Variants in GALNT13 observed in about 807,000 individuals in gnomAD.
The protein encoded by GALNT13 is UDP-GalNAc:polypeptide N-acetylgalactosaminyltransferase 13.
Under a neutral mutation model 64.2 loss-of-function variants are expected in GALNT13, and 28 were observed. The observed-to-expected ratio is 0.44, with a 90% CI of 0.32 to 0.60. GALNT13 has a LOEUF of 0.60. Ranked by LOEUF, GALNT13 falls within the 20% of genes least tolerant of loss-of-function variation. The probability of loss-of-function intolerance (pLI) is 0.05; values close to 1 mark genes in which losing one functional copy is unlikely to be tolerated. For synonymous variants in GALNT13, 214 were observed against 224.6 expected, an observed-to-expected ratio of 0.95 and a Z score of 0.42; for missense variants, 577 against 669.8, an observed-to-expected ratio of 0.86 and a Z score of 1.53.
intron 8 of GALNT13, among the ~76,000 whole-genome samples, chr2:154,267,345 C>T (rs1691068909): frequency 6.6e-6 from 1 of 152,034 alleles, no homozygotes; most frequent in Admixed American, 6.6e-5. Flanking sequence ...AATTTAAAAA[C>T]TTGTGCTTTT....
the GALNT13 span, among the ~76,000 whole-genome samples, chr2:153,161,404 A>G: frequency 1.3e-5 from 2 of 152,208 alleles, no homozygotes; most frequent in Non-Finnish European, 2.9e-5. Flanking sequence ...ATGATTTTGT[A>G]TTGTGTGTGG....
chr2:153,803,678 C>G, the GALNT13 span, among the ~76,000 whole-genome samples: 5 of 115,776 alleles, frequency 4.3e-5, no homozygotes, highest in Middle Eastern at 6.5e-3. Context: ...GGCGACAGAT[C>G]GAGACTCTGT....
the GALNT13 span, among the ~76,000 whole-genome samples, chr2:153,778,803 A>G: frequency 6.6e-6 from 1 of 152,246 alleles, no homozygotes; most frequent in East Asian, 1.9e-4. Flanking sequence ...ATTGTGTATT[A>G]GTAAAGCCTG....
At chr2:154,145,849 A>C (rs909668915) in intron 4 of GALNT13, among the ~76,000 whole-genome samples, 2 of 152,010 alleles carry the variant, frequency 1.3e-5, no homozygotes, top group Admixed American at 1.3e-4. Context: ...TGCCTTTCCC[A>C]TGAATTAAAA....
chr2:153,727,281 A>G, the GALNT13 span, among the ~76,000 whole-genome samples: 51 of 152,318 alleles, frequency 3.3e-4, no homozygotes, highest in African/African-American at 1.2e-3. Context: ...TTTGCTTAAC[A>G]AAAGGTTTGT....
chr2:153,806,623 A>G, the GALNT13 span, among the ~76,000 whole-genome samples: 1 of 151,104 alleles, frequency 6.6e-6, no homozygotes, highest in Non-Finnish European at 1.5e-5. Context: ...CATTATCATG[A>G]TGTCAAAGGG....
At chr2:153,542,899 T>G in the GALNT13 span, among the ~76,000 whole-genome samples, 1 of 152,208 alleles carries the variant, frequency 6.6e-6, no homozygotes, top group Non-Finnish European at 1.5e-5. Context: ...TCAATAAAAG[T>G]ACACATCTAA....
At chr2:153,411,561 C>G in the GALNT13 span, among the ~76,000 whole-genome samples, 1 of 152,080 alleles carries the variant, frequency 6.6e-6, no homozygotes, top group Admixed American at 6.6e-5. Flanking sequence ...AGAACTGAAA[C>G]ACTTCAGGTG....
chr2:153,211,579 G>A, the GALNT13 span, among the ~76,000 whole-genome samples: 1 of 152,146 alleles, frequency 6.6e-6, no homozygotes, highest in East Asian at 1.9e-4. Flanking sequence ...GAAGCTAACA[G>A]CATCAAAGTT....
At chr2:153,812,739 C>T in the GALNT13 span, among the ~76,000 whole-genome samples, 1 of 151,980 alleles carries the variant, frequency 6.6e-6, no homozygotes, top group Non-Finnish European at 1.5e-5. Context: ...GAAAGGATAC[C>T]CAGAGCTTTT....
At chr2:153,448,988 CT>C in the GALNT13 span, among the ~76,000 whole-genome samples, 12 of 152,088 alleles carry the variant, frequency 7.9e-5, no homozygotes, top group Non-Finnish European at 1.6e-4. Flanking sequence ...CACTTTCTGT[CT>C]TTCTGTCTCT....
the GALNT13 span, among the ~76,000 whole-genome samples, chr2:153,552,575 C>CTTGTTTTTTTTTT: frequency 1.4e-5 from 1 of 69,318 alleles, no homozygotes; most frequent in African/African-American, 5.2e-5. Flanking sequence ...GCTTCTTCTT[C>CTTGTTTTTTTTTT]TTTTTTTTTT....
chr2:153,380,833 A>G, the GALNT13 span, among the ~76,000 whole-genome samples: 1 of 152,182 alleles, frequency 6.6e-6, no homozygotes, highest in African/African-American at 2.4e-5. Context: ...AAGTTTTAAA[A>G]TTTATGTCAG....
chr2:153,157,801 A>G, the GALNT13 span, among the ~76,000 whole-genome samples: 1 of 152,182 alleles, frequency 6.6e-6, no homozygotes, highest in South Asian at 2.1e-4. Context: ...ATACTAGAAG[A>G]TAGAGAAAAT....
chr2:154,322,064 T>C (rs1012801930), intron 9 of GALNT13, among the ~76,000 whole-genome samples: 3 of 150,234 alleles, frequency 2.0e-5, no homozygotes, highest in African/African-American at 7.3e-5. Context: ...CACAGGAGTC[T>C]AAGACCAAAG....
chr2:153,503,524 T>G, the GALNT13 span, among the ~76,000 whole-genome samples: 1 of 152,166 alleles, frequency 6.6e-6, no homozygotes, highest in South Asian at 2.1e-4. Flanking sequence ...CACTGCAACC[T>G]CTGCCTCCTG....
the GALNT13 span, among the ~76,000 whole-genome samples, chr2:153,081,609 G>A: frequency 1.3e-5 from 2 of 152,098 alleles, no homozygotes; most frequent in African/African-American, 4.8e-5. Context: ...ATGAGTGAAA[G>A]CATCCAATGT....
chr2:153,541,364 A>G, the GALNT13 span, among the ~76,000 whole-genome samples: 77 of 152,228 alleles, frequency 5.1e-4, 1 homozygote, highest in South Asian at 0.016. Flanking sequence ...TCTTTCCTTT[A>G]TAAATTACCG....
chr2:153,536,317 T>A, the GALNT13 span, among the ~76,000 whole-genome samples: 1 of 152,316 alleles, frequency 6.6e-6, no homozygotes, highest in African/African-American at 2.4e-5. Flanking sequence ...GGTTTCTCTA[T>A]CCCAGTGCTG....
Sources: allele counts gnomAD v4.1 joint callset (sites outside exome capture counted in the v4.1 genomes callset), GRCh38; gene constraint gnomAD v4.1.1; transcripts MANE v1.5; gene names NCBI Gene and HGNC (gene_info 2026-07-23, HGNC 2026-07-21).